Variants in SEMA4D observed in about 807,000 individuals in gnomAD.
SEMA4D encodes semaphorin-4D.
In SEMA4D, 22 loss-of-function variants were observed where a neutral mutation model predicts 74.8. That is an observed-to-expected ratio of 0.29 (90% CI 0.21 to 0.42). The LOEUF (loss-of-function observed/expected upper bound fraction) is 0.42. Ranked by LOEUF, SEMA4D falls within the 10% of genes least tolerant of loss-of-function variation. The pLI is 1.00. For synonymous variants in SEMA4D, 445 were observed against 463.7 expected (o/e 0.96, Z 0.52); for missense variants, 937 against 1,118.4 (o/e 0.84, Z 2.31).
At chr9:89,441,261 G>A (rs888696085) in intron 2 of SEMA4D, among the ~76,000 whole-genome samples, 3 of 152,230 alleles carry the variant, frequency 2.0e-5, no homozygotes, top group East Asian at 1.9e-4. Flanking sequence ...TTCCACACAC[G>A]CGCAGGACTC....
intron 17 of SEMA4D, chr9:89,363,728 G>A: frequency 6.2e-7 from 1 of 1,609,734 alleles, no homozygotes; most frequent in South Asian, 1.1e-5. Flanking sequence ...CAGTGGGCAT[G>A]GGAATCACTT....
Position 89,392,478 on chromosome 9 carries a change from G to A in SEMA4D, c.567C>T (p.Ser189=), listed in dbSNP as rs1326904770. The A allele has an allele frequency of 6.2e-7, 1 of 1,613,782 alleles. No homozygotes were observed. Among genetic ancestry groups the A allele is most frequent in the Non-Finnish European group, 8.5e-7 (1 of 1,179,860 alleles). Reference sequence around the variant, plus strand: ...TCAGAGGACTGTGGGAAGAATTTCGGGAGATGATGGGTTCACTTCCCAAAA... The same window carrying A: ...TCAGAGGACTGTGGGAAGAATTTCGAGAGATGATGGGTTCACTTCCCAAAA... ...YNFLGSEPII[S]RNSSHSPLRT... Residue 189 remains serine (S), a synonymous_variant, in exon 8 of 16, where the codon TCC becomes TCT. Transcript: ENST00000422704.
chr9:89,444,401 T>C (rs991935783), intron 2 of SEMA4D, among the ~76,000 whole-genome samples: 3 of 152,088 alleles, frequency 2.0e-5, no homozygotes, highest in Non-Finnish European at 4.4e-5. Context: ...ATGAGGGGAC[T>C]CCTCCCAGCT....
chr9:89,393,692 G>T, intron 6 of SEMA4D, 37 bp from the exon 7 acceptor site: 2 of 1,475,598 alleles, frequency 1.4e-6, no homozygotes, highest in Non-Finnish European at 1.9e-6. Context: ...TCATCAGATG[G>T]CTGAATTTCT....
chr9:89,377,100 C>T, downstream of SEMA4D: 1 of 1,495,322 alleles, frequency 6.7e-7, no homozygotes, highest in Middle Eastern at 2.0e-4. Context: ...GAAGAAGTCG[C>T]CAGGAGCACG....
intron 2 of SEMA4D, among the ~76,000 whole-genome samples, chr9:89,441,030 G>A (rs4876982): frequency 0.2 from 30,273 of 152,224 alleles, 3,377 homozygotes; most frequent in Non-Finnish European, 0.25. Flanking sequence ...TGCTCACCCA[G>A]GGAGTCCTTC....
Position 89,379,051 on chromosome 9 carries a change from G to A in SEMA4D, c.2242C>T (p.Leu748Phe), listed in dbSNP as rs1351414145. 2 of 1,612,694 alleles carry A rather than the reference G, an allele frequency of 1.2e-6. No homozygotes were observed. Among genetic ancestry groups the A allele is most frequent in the Admixed American group, 1.7e-5 (1 of 59,634 alleles). The stretch of plus-strand genomic sequence containing the variant: ...TAGCAGTTGTAGAAAAAGAGGCAGA[G>A]GAAGAGAACAAAGAAGAAGAGGAAG... ...SLFLFFFVLFLCLFFYNCYKG... is the reference protein window; with the variant it reads ...SLFLFFFVLFFCLFFYNCYKG... Residue 748 changes from leucine to phenylalanine, a missense_variant, in exon 16 of 16, where the codon CTC becomes TTC. Leu to Phe is a conservative substitution (Grantham distance 22, BLOSUM62 0). Coordinates refer to ENST00000422704, the MANE Select transcript of SEMA4D (RefSeq NM_001371194.2).
chr9:89,383,699 G>T (rs1837724813), intron 13 of SEMA4D, among the ~76,000 whole-genome samples: 1 of 152,174 alleles, frequency 6.6e-6, no homozygotes, highest in Non-Finnish European at 1.5e-5. Context: ...GTGGAGCTAG[G>T]TGGGGGCGCT....
At chr9:89,382,570 C>T (rs1017761590) in intron 13 of SEMA4D, among the ~76,000 whole-genome samples, 1 of 152,182 alleles carries the variant, frequency 6.6e-6, no homozygotes. Flanking sequence ...ACCTGGCCCG[C>T]CGCTGGCCTC....
intron 13 of SEMA4D, among the ~76,000 whole-genome samples, chr9:89,383,844 G>C (rs765526166): frequency 6.6e-6 from 1 of 152,184 alleles, no homozygotes; most frequent in Non-Finnish European, 1.5e-5. Context: ...GAGCAAGCCT[G>C]TCCTGTGCAC....
chr9:89,379,115 C>A lies in SEMA4D; in HGVS notation c.2178G>T (p.Met726Ile). 6.2e-7 allele frequency: 1 copy of A among 1,614,142 alleles called. No homozygotes were observed. The highest frequency in any genetic ancestry group is 8.5e-7 in the Non-Finnish European group (1 of 1,180,022). Residue 726 changes from methionine (M) to isoleucine (I), a missense_variant, in exon 16 of 16, where the codon ATG becomes ATT. Coordinates refer to ENST00000422704, the MANE Select transcript of SEMA4D (RefSeq NM_001371194.2). The part of the protein sequence containing the change: ...TVPQLHSEKT[M>I]YLKSSDNRLL... ...GGCGGTTGTCGCTGGACTTAAGATA[C>A]ATGGTTTTCTCCGAGTGGAGCTGGG...
intron 1 of SEMA4D, among the ~76,000 whole-genome samples, chr9:89,458,622 C>T (rs1401298923): frequency 2.0e-5 from 3 of 152,102 alleles, no homozygotes; most frequent in African/African-American, 7.2e-5. Flanking sequence ...ACCACACCCA[C>T]ATACCCATGT....
intron 2 of SEMA4D, among the ~76,000 whole-genome samples, chr9:89,414,102 T>G (rs1172768968): frequency 6.6e-6 from 1 of 152,102 alleles, no homozygotes; most frequent in Non-Finnish European, 1.5e-5. Flanking sequence ...GCAGCTAGGG[T>G]AGATTACAGA....
chr9:89,468,520 C>T (rs943286680), intron 1 of SEMA4D, among the ~76,000 whole-genome samples: 12 of 152,240 alleles, frequency 7.9e-5, no homozygotes, highest in African/African-American at 2.9e-4. Flanking sequence ...TCTGCTTAAA[C>T]ATCACTCTAA....
At chr9:89,372,655 C>A (rs1835273989), downstream of SEMA4D, among the ~76,000 whole-genome samples, 1 of 152,036 alleles carries the variant, frequency 6.6e-6, no homozygotes, top group Non-Finnish European at 1.5e-5. Flanking sequence ...CCGATGCACT[C>A]AGTCCCCCAG....
intron 2 of SEMA4D, chr9:89,450,366 A>T: frequency 9.9e-7 from 1 of 1,014,346 alleles, no homozygotes; most frequent in Non-Finnish European, 1.6e-6. Flanking sequence ...CAGTGACATG[A>T]AAAGGCGTTT....
intron 1 of SEMA4D, among the ~76,000 whole-genome samples, chr9:89,485,788 C>CAAAAAAAAAAAAAAAA (rs56056536): frequency 2.6e-5 from 2 of 76,848 alleles, no homozygotes; most frequent in African/African-American, 9.8e-5. Flanking sequence ...AACTCCATCT[C>CAAAAAAAAAAAAAAAA]AAAAAAAAAA....
intron 6 of SEMA4D, among the ~76,000 whole-genome samples, chr9:89,394,910 G>A (rs1564609183): frequency 6.6e-6 from 1 of 152,230 alleles, no homozygotes; most frequent in Non-Finnish European, 1.5e-5. Flanking sequence ...AAGTTACATA[G>A]GAAAATGTTA....
exon 19 of SEMA4D, chr9:89,362,108 T>A: frequency 1.8e-6 from 1 of 565,166 alleles, no homozygotes; most frequent in Admixed American, 3.0e-5. Flanking sequence ...CGAGCAGCTA[T>A]CAAAGCCTGT....
Sources: gnomAD v4.1 joint callset for allele counts (sites outside exome capture counted in the v4.1 genomes callset) on GRCh38, gnomAD v4.1.1 for gene constraint, MANE v1.5 for transcripts, NCBI Gene and HGNC (gene_info 2026-07-23, HGNC 2026-07-21) for gene names.